CRYBG1: variants seen among roughly 807,000 people sequenced by gnomAD.
CRYBG1 encodes the protein crystallin beta-gamma domain containing 1.
CRYBG1 carries 139 observed loss-of-function variants against 189.2 expected under a neutral mutation model. That is an observed-to-expected ratio of 0.73 (90% CI 0.64 to 0.85). The LOEUF (loss-of-function observed/expected upper bound fraction) is 0.85. CRYBG1 is among the 40% of genes least tolerant of loss of function. The probability of loss-of-function intolerance (pLI) is 0.00; values close to 1 mark genes in which losing one functional copy is unlikely to be tolerated. For synonymous variants in CRYBG1, 1,023 were observed against 1,017.1 expected, an observed-to-expected ratio of 1.01 and a Z score of -0.11; for missense variants, 2,611 against 2,675.8, an observed-to-expected ratio of 0.98 and a Z score of 0.53.
intron 2 of CRYBG1, among the ~76,000 whole-genome samples, chr6:106,458,293 C>G (rs559003237): frequency 1.3e-5 from 2 of 152,300 alleles, no homozygotes; most frequent in African/African-American, 4.8e-5. Flanking sequence ...CCATTCTACT[C>G]TTTTTGCACA....
chr6:106,365,382 G>A (rs996703851), intron 1 of CRYBG1, among the ~76,000 whole-genome samples: 10 of 151,464 alleles, frequency 6.6e-5, no homozygotes, highest in East Asian at 1.9e-4. Context: ...ATCTGAGATC[G>A]TGCCATTGCA....
Position 106,488,725 on chromosome 6 carries a change from G to A in CRYBG1, c.313-22705G>A, listed in dbSNP as rs140254822. 1.6e-3 allele frequency among the ~76,000 whole-genome samples: 241 copies of A among 152,298 alleles called. 1 individual carries two copies. Among genetic ancestry groups the A allele is most frequent in the African/African-American group, 5.5e-3 (229 of 41,560 alleles). On this transcript the variant is annotated intron_variant, in intron 2 of 21. Coordinates refer to ENST00000633556, the MANE Select transcript of CRYBG1 (RefSeq NM_001371242.2). ...TGCTGCACAGTTGGCTTGTGTCCCT[G>A]GGTGATAAGGTGCCTCATGAATTTT... is the stretch of plus-strand genomic sequence containing the variant.
intron 2 of CRYBG1, among the ~76,000 whole-genome samples, chr6:106,499,892 A>T (rs529021949): frequency 6.6e-6 from 1 of 152,318 alleles, no homozygotes; most frequent in African/African-American, 2.4e-5. Context: ...CTTTTTAAGA[A>T]TCTAAATATA....
chr6:106,386,255 G>A lies in CRYBG1; in HGVS notation c.173+25174G>A, dbSNP rs142762280. Among the ~76,000 whole-genome samples the A allele has an allele frequency of 2.4e-4, 36 of 152,268 alleles. No homozygotes were observed. The East Asian group carries it at 2.9e-3, about 12-fold the overall frequency. ...CTGTCTAATCACTGGGTCTTTCCCCGTTTTTCAAAGAAGCTCTCCAGTGAC... is the reference window on the plus strand; with the variant it reads ...CTGTCTAATCACTGGGTCTTTCCCCATTTTTCAAAGAAGCTCTCCAGTGAC... On this transcript the variant is annotated intron_variant, in intron 1 of 21. Coordinates refer to ENST00000633556, the MANE Select transcript of CRYBG1 (RefSeq NM_001371242.2).
In CRYBG1 at chr6:106,517,345, CACACAT is replaced by C. The variant is rs1359740251; in HGVS notation, c.1923-1784_1923-1779del. Among the ~76,000 whole-genome samples, 50 of 84,746 alleles carry C rather than the reference CACACAT, an allele frequency of 5.9e-4. 1 individual carries two copies. Among genetic ancestry groups the C allele is most frequent in the African/African-American group, 1.0e-3 (26 of 25,084 alleles). 55.6% of individuals were successfully genotyped at this position (84,746 alleles called of 152,430 possible). ...ATATATATACACATATATATATACA[CACACAT>C]ATATATATACACATATATACACACA... is the stretch of plus-strand genomic sequence containing the variant. On this transcript the variant is annotated intron_variant, in intron 3 of 21. Transcript: ENST00000633556.
At chr6:106,476,759 G>A (rs1451676155) in intron 2 of CRYBG1, among the ~76,000 whole-genome samples, 1 of 152,174 alleles carries the variant, frequency 6.6e-6, no homozygotes, top group Non-Finnish European at 1.5e-5. Context: ...GGGACATGAA[G>A]TAAGACCAGT....
intron 2 of CRYBG1, among the ~76,000 whole-genome samples, chr6:106,499,781 C>G (rs943209172): frequency 2.0e-5 from 3 of 152,088 alleles, no homozygotes; most frequent in African/African-American, 7.2e-5. Context: ...CTTATTGCTC[C>G]TAATTGAAAC....
intron 2 of CRYBG1, among the ~76,000 whole-genome samples, chr6:106,482,558 A>G (rs543339249): frequency 4.9e-4 from 75 of 152,166 alleles, no homozygotes; most frequent in South Asian, 8.3e-4. Context: ...GGTGAATCAC[A>G]AGGTCAGGAG....
intron 2 of CRYBG1, among the ~76,000 whole-genome samples, chr6:106,459,623 T>C (rs1243764971): frequency 2.0e-5 from 3 of 151,810 alleles, no homozygotes; most frequent in Admixed American, 2.0e-4. Flanking sequence ...TCTTTAGAAT[T>C]GCTGAGTAGT....
At chr6:106,385,217 G>A (rs1363136890) in intron 1 of CRYBG1, among the ~76,000 whole-genome samples, 2 of 152,170 alleles carry the variant, frequency 1.3e-5, no homozygotes, top group Non-Finnish European at 2.9e-5. Flanking sequence ...TCACTTCTGT[G>A]TATAAGAGAA....
chr6:106,477,368 C>T (rs1441128060), intron 2 of CRYBG1, among the ~76,000 whole-genome samples: 2 of 152,102 alleles, frequency 1.3e-5, no homozygotes, highest in Admixed American at 6.5e-5. Flanking sequence ...GTGGTTCTTA[C>T]GTTTGCTTTG....
chr6:106,366,775 G>C (rs72945593), intron 1 of CRYBG1, among the ~76,000 whole-genome samples: 1 of 152,152 alleles, frequency 6.6e-6, no homozygotes, highest in Admixed American at 6.5e-5. Flanking sequence ...GCAAGTGCTG[G>C]ATAGAGGAAA....
At chr6:106,495,178 A>C (rs563295694) in intron 2 of CRYBG1, among the ~76,000 whole-genome samples, 1 of 152,298 alleles carries the variant, frequency 6.6e-6, no homozygotes, top group Non-Finnish European at 1.5e-5. Flanking sequence ...TTTTCACATC[A>C]ACAGTCAGTG....
At chr6:106,492,940 CT>C (rs1669108027) in intron 2 of CRYBG1, among the ~76,000 whole-genome samples, 1 of 150,956 alleles carries the variant, frequency 6.6e-6, no homozygotes, top group South Asian at 2.1e-4. Context: ...ACCATTGAGT[CT>C]TTTCACAAAT....
chr6:106,503,279 G>A (rs932468932), intron 2 of CRYBG1, among the ~76,000 whole-genome samples: 5 of 152,184 alleles, frequency 3.3e-5, no homozygotes, highest in African/African-American at 1.2e-4. Flanking sequence ...AGACAAGGCT[G>A]AGGGAGGGTG....
Position 106,439,737 on chromosome 6 carries a change from G to GAA in CRYBG1, c.174-11947_174-11946dup, listed in dbSNP as rs397951158. Among the ~76,000 whole-genome samples, 527 of 143,518 alleles carry GAA rather than the reference G, an allele frequency of 3.7e-3. 2 individuals carry two copies. The highest frequency in any genetic ancestry group is 0.011 in the African/African-American group (417 of 39,152). 94.2% of individuals were successfully genotyped at this position (143,518 alleles called of 152,430 possible). The stretch of plus-strand genomic sequence containing the variant: ...AACTTGTTTTGTATCATCCCTGACT[G>GAA]AAAAAAAAAAAGCATTTGTTTTATA... On this transcript the variant is annotated intron_variant, in intron 1 of 21. Coordinates refer to ENST00000633556, the MANE Select transcript of CRYBG1 (RefSeq NM_001371242.2).
intron 20 of CRYBG1, among the ~76,000 whole-genome samples, chr6:106,561,937 C>T (rs929705461): frequency 1.3e-5 from 2 of 152,078 alleles, no homozygotes; most frequent in Admixed American, 6.5e-5. Flanking sequence ...AAGTGTCATA[C>T]GTTGTAAATT....
At chr6:106,383,145 G>T (rs1366919901) in intron 1 of CRYBG1, among the ~76,000 whole-genome samples, 2 of 152,144 alleles carry the variant, frequency 1.3e-5, no homozygotes, top group South Asian at 2.1e-4. Flanking sequence ...TTTTTTAAAA[G>T]TATATGAAGA....
At position 106,516,853 on chromosome 6, in the gene CRYBG1, C is replaced by T. The variant is rs149663696; in HGVS notation, c.1923-2278C>T. 2.4e-4 allele frequency among the ~76,000 whole-genome samples: 36 copies of T among 152,226 alleles called. No individual in the cohort carries two copies. The East Asian group carries it at 6.2e-3, about 26-fold the overall frequency. On this transcript the variant is annotated intron_variant, in intron 3 of 21. Coordinates refer to ENST00000633556, the MANE Select transcript of CRYBG1 (RefSeq NM_001371242.2). ...AACCTCAGGGAGTTACTTCTCAACA[C>T]TTCAACTTCCTCAGCCAAAAATAGA...
Sources: allele counts gnomAD v4.1 joint callset (sites outside exome capture counted in the v4.1 genomes callset), GRCh38; gene constraint gnomAD v4.1.1; transcripts MANE v1.5; gene names NCBI Gene and HGNC (gene_info 2026-07-23, HGNC 2026-07-21).